The following ROBO2 variants were observed in gnomAD, a reference collection of about 807,000 sequenced individuals.
ROBO2 encodes the protein roundabout guidance receptor 2.
A neutral mutation model predicts 160.8 loss-of-function variants in ROBO2; 53 were observed. The ratio of observed to expected loss-of-function variants is 0.33; its 90% CI spans 0.26 to 0.41. The LOEUF is 0.41. Ranked by LOEUF, ROBO2 falls within the 10% of genes least tolerant of loss-of-function variation. ROBO2 has a pLI of 1.00. For missense variants in ROBO2, 1,577 were observed against 1,722.4 expected (o/e 0.92, Z 1.49); for synonymous variants, 664 against 611.7 (o/e 1.09, Z -1.26).
At chr3:77,295,376 A>C (rs1345492348) in intron 2 of ROBO2, among the ~76,000 whole-genome samples, 3 of 149,934 alleles carry the variant, frequency 2.0e-5, no homozygotes, top group African/African-American at 5.0e-5. Flanking sequence ...TAAATGGGTA[A>C]GCTGAGGCTA....
chr3:76,153,114 A>T (rs1190143110), intron 2 of ROBO2, among the ~76,000 whole-genome samples: 1 of 152,196 alleles, frequency 6.6e-6, no homozygotes, highest in Non-Finnish European at 1.5e-5. Context: ...TTTCAGTCCC[A>T]TGAAAACCTA....
intron 2 of ROBO2, among the ~76,000 whole-genome samples, chr3:76,798,315 AAAAGAAC>A (rs1365675798): frequency 7.5e-5 from 11 of 146,424 alleles, no homozygotes; most frequent in African/African-American, 2.8e-4. Flanking sequence ...AAAGAAAGAA[AAAAGAAC>A]GAATGAACTA....
At chr3:76,384,796 T>G (rs2076801674) in intron 2 of ROBO2, among the ~76,000 whole-genome samples, 1 of 152,108 alleles carries the variant, frequency 6.6e-6, no homozygotes, top group Non-Finnish European at 1.5e-5. Context: ...TGGGGGTACC[T>G]GCCTCCATGA....
At chr3:76,528,722 C>A (rs558986610) in intron 2 of ROBO2, among the ~76,000 whole-genome samples, 2 of 152,066 alleles carry the variant, frequency 1.3e-5, no homozygotes, top group African/African-American at 4.8e-5. Context: ...GTATTTAAAT[C>A]TACGAGACCA....
rs1312685448 is a variant in ROBO2, at chr3:77,574,571, T to A, written c.2044T>A (p.Ser682Thr). 2 of 1,613,362 alleles carry A rather than the reference T, an allele frequency of 1.2e-6. No homozygotes were observed. Among genetic ancestry groups the A allele is most frequent in the Admixed American group, 1.7e-5 (1 of 59,892 alleles). Residue 682 changes from serine to threonine, a missense_variant, in exon 14 of 26, where the codon TCT becomes ACT. Ser to Thr is a moderately conservative substitution (Grantham distance 58). Coordinates refer to ENST00000461745, the Ensembl canonical transcript of ROBO2. ...TCAGACTTCAGGTCTGCAGGCGACA[T>A]CTTCGTGGCAGAATTTAGATGCCAA...
At chr3:76,231,159 G>A (rs777711694) in intron 2 of ROBO2, among the ~76,000 whole-genome samples, 1 of 152,188 alleles carries the variant, frequency 6.6e-6, no homozygotes, top group Non-Finnish European at 1.5e-5. Flanking sequence ...ACCCTAGGAT[G>A]TTAATACACA....
chr3:77,644,904 T>A (rs1476924310), exon 25 of ROBO2: 2 of 1,613,892 alleles, frequency 1.2e-6, no homozygotes, highest in Non-Finnish European at 1.7e-6. Context: ...AGGTGAATTA[T>A]GTAAGTGCTT....
chr3:76,353,373 G>T (rs1227254628), intron 2 of ROBO2, among the ~76,000 whole-genome samples: 1 of 151,928 alleles, frequency 6.6e-6, no homozygotes, highest in African/African-American at 2.4e-5. Context: ...AAACTTGAGA[G>T]AATTCAAGAA....
intron 2 of ROBO2, among the ~76,000 whole-genome samples, chr3:76,182,411 A>C (rs147151443): frequency 2.0e-5 from 3 of 152,154 alleles, no homozygotes; most frequent in Non-Finnish European, 2.9e-5. Flanking sequence ...ATTATATTCA[A>C]TGGCAGTTTT....
intron 2 of ROBO2, among the ~76,000 whole-genome samples, chr3:77,292,719 A>C (rs982670208): frequency 3.0e-5 from 3 of 98,686 alleles, no homozygotes; most frequent in African/African-American, 8.1e-5. Flanking sequence ...GACATAAAGT[A>C]AAATTGATGG....
chr3:75,984,260 C>T (rs1161681583), intron 2 of ROBO2, among the ~76,000 whole-genome samples: 3 of 151,568 alleles, frequency 2.0e-5, no homozygotes, highest in Non-Finnish European at 4.4e-5. Context: ...AGACTAATTA[C>T]TAAGTTGATT....
chr3:77,231,290 G>A (rs1200663103), intron 2 of ROBO2, among the ~76,000 whole-genome samples: 1 of 145,962 alleles, frequency 6.9e-6, no homozygotes, highest in African/African-American at 2.5e-5. Context: ...TTGAACCTGG[G>A]AGGAAGAGGC....
intron 2 of ROBO2, among the ~76,000 whole-genome samples, chr3:76,064,263 A>C (rs1021448674): frequency 1.1e-4 from 16 of 152,134 alleles, no homozygotes; most frequent in African/African-American, 3.9e-4. Flanking sequence ...ATTTTGTTGT[A>C]ATCTGTTATG....
intron 2 of ROBO2, among the ~76,000 whole-genome samples, chr3:76,622,417 A>G (rs1176126989): frequency 2.0e-5 from 3 of 152,092 alleles, no homozygotes; most frequent in African/African-American, 7.2e-5. Flanking sequence ...ATGAGCCATG[A>G]TCATGCCACT....
chr3:76,046,003 A>G (rs1472763378), intron 2 of ROBO2, among the ~76,000 whole-genome samples: 1 of 151,756 alleles, frequency 6.6e-6, no homozygotes, highest in East Asian at 1.9e-4. Flanking sequence ...TTTTTTCCCG[A>G]GGAAGTCTTC....
intron 21 of ROBO2, among the ~76,000 whole-genome samples, chr3:77,611,626 G>T (rs1309201631): frequency 1.3e-5 from 2 of 152,106 alleles, no homozygotes; most frequent in Non-Finnish European, 2.9e-5. Flanking sequence ...ACAATATTTA[G>T]TATTATTTCT....
intron 2 of ROBO2, among the ~76,000 whole-genome samples, chr3:77,374,822 C>T (rs1321057893): frequency 6.6e-6 from 1 of 152,174 alleles, no homozygotes; most frequent in Non-Finnish European, 1.5e-5. Context: ...AAATACTTGA[C>T]TCAGTAAATT....
intron 2 of ROBO2, among the ~76,000 whole-genome samples, chr3:76,975,874 T>C (rs141398242): frequency 6.6e-6 from 1 of 152,242 alleles, no homozygotes; most frequent in Admixed American, 6.5e-5. Flanking sequence ...GTAAATTATA[T>C]ACATATATTG....
At chr3:76,500,908 GT>G (rs2080427806) in intron 2 of ROBO2, among the ~76,000 whole-genome samples, 2 of 152,144 alleles carry the variant, frequency 1.3e-5, no homozygotes. Context: ...TTTTTTAGGG[GT>G]TATGAATCAT....
Sources: allele counts gnomAD v4.1 joint callset (sites outside exome capture counted in the v4.1 genomes callset), GRCh38; gene constraint gnomAD v4.1.1; transcripts MANE v1.5; gene names NCBI Gene and HGNC (gene_info 2026-07-23, HGNC 2026-07-21).